PPP2R3C: variants seen among roughly 807,000 people sequenced by gnomAD.
PPP2R3C encodes the protein serine/threonine-protein phosphatase 2A regulatory subunit B'' subunit gamma.
In PPP2R3C, 47 loss-of-function variants were observed where a neutral mutation model predicts 63.7. The ratio of observed to expected loss-of-function variants is 0.74; its 90% CI spans 0.58 to 0.94. The LOEUF (loss-of-function observed/expected upper bound fraction) is 0.94. PPP2R3C is among the 40% of genes least tolerant of loss of function. The probability of loss-of-function intolerance (pLI) is 0.00; values close to 1 mark genes in which losing one functional copy is unlikely to be tolerated. For synonymous variants in PPP2R3C, 180 were observed against 177.4 expected, an observed-to-expected ratio of 1.01 and a Z score of -0.12; for missense variants, 421 against 518.4, an observed-to-expected ratio of 0.81 and a Z score of 1.82.
intron 6 of PPP2R3C, chr14:35,101,472 A>G (rs987421289): frequency 6.6e-6 from 1 of 152,218 alleles, no homozygotes; most frequent in Non-Finnish European, 1.5e-5. Context: ...TTTCAACTTA[A>G]GTGTATTATT....
chr14:35,085,851 G>C, intron 12 of PPP2R3C, 73 bp from the exon 13 acceptor site: 1 of 1,262,802 alleles, frequency 7.9e-7, no homozygotes. Context: ...CCAAAATTCA[G>C]GGCTGTTTGC....
chr14:35,113,672 G>T (rs1444365380), intron 2 of PPP2R3C, among the ~76,000 whole-genome samples: 1 of 152,116 alleles, frequency 6.6e-6, no homozygotes, highest in African/African-American at 2.4e-5. Context: ...TTACTCAAAA[G>T]AATTCCAGTA....
chr14:35,093,590 C>G (rs909709993), intron 10 of PPP2R3C, among the ~76,000 whole-genome samples: 3 of 152,070 alleles, frequency 2.0e-5, no homozygotes, highest in Non-Finnish European at 4.4e-5. Context: ...TGTAAGACCC[C>G]CCCATTCTCA....
rs535179552 is a variant in PPP2R3C, at chr14:35,106,909, C to T, written c.573+395G>A. Among the ~76,000 whole-genome samples, 198 of 152,084 alleles carry T rather than the reference C, an allele frequency of 1.3e-3. 2 individuals are homozygous for T. The highest frequency in any genetic ancestry group is 4.4e-3 in the African/African-American group (183 of 41,498). Reference sequence around the variant, plus strand: ...CTCAAACTCCCGACCTCAGGTGATCCGCCTGCCTCATCCTTCCAAAGTGCT... The same window carrying T: ...CTCAAACTCCCGACCTCAGGTGATCTGCCTGCCTCATCCTTCCAAAGTGCT... On this transcript the variant is annotated intron_variant, in intron 6 of 12. Transcript: ENST00000261475.
At chr14:35,116,519 T>C in intron 2 of PPP2R3C, 91 bp downstream of exon 2, 4 of 1,008,782 alleles carry the variant, frequency 4.0e-6, no homozygotes. Context: ...CCTCCCAAAG[T>C]GTTGGGATTA....
chr14:35,120,660 G>A (rs1432613418), intron 1 of PPP2R3C, among the ~76,000 whole-genome samples: 2 of 152,130 alleles, frequency 1.3e-5, no homozygotes, highest in Admixed American at 6.5e-5. Flanking sequence ...GTGTAAAAGA[G>A]TGTTGCCTGG....
rs767009244 is a variant in PPP2R3C at position 35,085,692 on chromosome 14, T to A, written c.1260A>T (p.Val420=). The change falls in exon 13 of 13, where the codon GTA becomes GTT. Residue 420 remains valine (V), a synonymous_variant. Transcript: ENST00000261475. Reference sequence around the variant, plus strand: ...CATTCAAATCGATTAGAATGGTGGTTACTGTGTCTCCTTGATTACTGTTGA... The same window carrying A: ...CATTCAAATCGATTAGAATGGTGGTAACTGTGTCTCCTTGATTACTGTTGA... The part of the protein sequence containing the change: ...DLINSNQGDT[V]TTILIDLNGF... 2.2e-5 allele frequency: 36 copies of A among 1,612,650 alleles called. No individual in the cohort carries two copies. The highest frequency in any genetic ancestry group is 3.1e-5 in the Non-Finnish European group (36 of 1,178,802).
chr14:35,092,831 A>G (rs761026634), intron 10 of PPP2R3C, among the ~76,000 whole-genome samples: 4 of 152,302 alleles, frequency 2.6e-5, no homozygotes, highest in Middle Eastern at 6.8e-3. Context: ...CAGATTTCCA[A>G]TAAGAAGCTG....
At chr14:35,106,111 C>G (rs1179478469) in intron 6 of PPP2R3C, among the ~76,000 whole-genome samples, 2 of 152,152 alleles carry the variant, frequency 1.3e-5, no homozygotes, top group Non-Finnish European at 2.9e-5. Flanking sequence ...TCCCAAAGTG[C>G]TGGGATTACA....
Position 35,091,333 on chromosome 14 carries a change from T to A in PPP2R3C, c.976-126A>T, listed in dbSNP as rs17103034. 0.36 allele frequency: 322,375 copies of A among 897,154 alleles called. 59,124 individuals are homozygous for A. The highest frequency in any genetic ancestry group is 0.45 in the South Asian group (23,134 of 50,860). 55.6% of individuals were successfully genotyped at this position (897,154 alleles called of 1,614,324 possible). A position where few individuals can be genotyped will look rare whatever the true frequency, so the allele number is the denominator to read the frequency against. On this transcript the variant is annotated intron_variant, in intron 10 of 12. Transcript: ENST00000261475. ...ATTTAATTTTTTCCCTAAGTTATGATATGAGAAATCCATTTATATACTTAA... is the reference window on the plus strand; with the variant it reads ...ATTTAATTTTTTCCCTAAGTTATGAAATGAGAAATCCATTTATATACTTAA...
At chr14:35,119,255 C>G (rs1187306265) in intron 1 of PPP2R3C, among the ~76,000 whole-genome samples, 1 of 152,140 alleles carries the variant, frequency 6.6e-6, no homozygotes, top group Non-Finnish European at 1.5e-5. Context: ...CCAGGCTGGT[C>G]TTGAACTCCT....
In PPP2R3C at chr14:35,110,636, A is replaced by G. The variant is rs2046523432; in HGVS notation, c.187-7T>C. ...CTTCATCTTCAGCAGGCAGCTGAAA[A>G]TACAAGGTAAATTTCTACATGTAAA... On this transcript the variant is annotated splice_region_variant and splice_polypyrimidine_tract_variant and intron_variant, in intron 2 of 12. Coordinates refer to ENST00000261475, the MANE Select transcript of PPP2R3C (RefSeq NM_017917.4). 6.3e-7 allele frequency: 1 copy of G among 1,588,520 alleles called. No individual in the cohort carries two copies. The highest frequency in any genetic ancestry group is 1.7e-5 in the Admixed American group (1 of 58,826).
chr14:35,090,520 AT>A (rs1040335344), intron 11 of PPP2R3C, among the ~76,000 whole-genome samples: 21 of 152,160 alleles, frequency 1.4e-4, no homozygotes, highest in Admixed American at 6.6e-5. Flanking sequence ...AAAGAAAAAA[AT>A]AAATAAAAAT....
chr14:35,096,425 T>C, intron 9 of PPP2R3C, 133 bp downstream of exon 9: 1 of 868,860 alleles, frequency 1.2e-6, no homozygotes, highest in South Asian at 1.7e-5. Context: ...TTTGGTAATG[T>C]AGAATACTAA....
intron 6 of PPP2R3C, chr14:35,106,558 G>C (rs1231481224): frequency 6.6e-6 from 1 of 152,134 alleles, no homozygotes; most frequent in Non-Finnish European, 1.5e-5. Context: ...GGTCAGGCTG[G>C]TCTCAAACTC....
chr14:35,110,721 G>A (rs2295104), intron 2 of PPP2R3C, 92 bp from the exon 3 acceptor site: 138,465 of 742,308 alleles, frequency 0.19, 14,852 homozygotes, highest in East Asian at 0.34. Flanking sequence ...GTATGCCACC[G>A]CCTCGAATTA....
In PPP2R3C at chr14:35,087,958, T is replaced by C; in HGVS notation, c.1166A>G (p.Asp389Gly). 2.5e-6 allele frequency: 4 copies of C among 1,593,110 alleles called. No individual in the cohort carries two copies. Among genetic ancestry groups the C allele is most frequent in the Non-Finnish European group, 3.4e-6 (4 of 1,161,050 alleles). ...IHGQDPVSFQDVKDEIFDMVK... is the reference protein window; with the variant it reads ...IHGQDPVSFQGVKDEIFDMVK... ...ATTAAAGGAAAAGATAACCTTGACA[T>C]CTTGAAATGAAACAGGATCTTGTCC... is the stretch of plus-strand genomic sequence containing the variant. The change falls in exon 12 of 13, where the codon GAT (aspartate) becomes GGT (glycine). Residue 389 changes from aspartate (D) to glycine (G), a missense_variant. Around this residue, in one of 3 missense-constraint regions of PPP2R3C, gnomAD observed 231 missense variants for 264.8 expected, o/e 0.87. Transcript: ENST00000261475.
chr14:35,090,434 C>T (rs2045769250), intron 11 of PPP2R3C, among the ~76,000 whole-genome samples: 2 of 151,472 alleles, frequency 1.3e-5, no homozygotes, highest in South Asian at 2.1e-4. Context: ...CTGCCTGAGC[C>T]CAGGAGTTGG....
At chr14:35,116,449 C>A (rs1219157722) in intron 2 of PPP2R3C, among the ~76,000 whole-genome samples, 161 bp downstream of exon 2, 3 of 152,056 alleles carry the variant, frequency 2.0e-5, no homozygotes, top group Non-Finnish European at 4.4e-5. Context: ...GAGATGGGAT[C>A]TTGCTATGTT....
Sources: gnomAD v4.1 joint callset for allele counts (sites outside exome capture counted in the v4.1 genomes callset) on GRCh38, gnomAD v4.1.1 for gene constraint, gnomAD v4.1.1 regional missense constraint, MANE v1.5 for transcripts, NCBI Gene and HGNC (gene_info 2026-07-23, HGNC 2026-07-21) for gene names.